The following PTGES2 variants were observed in gnomAD, a reference collection of about 807,000 sequenced individuals.
PTGES2 encodes the protein GATE-binding factor 1.
PTGES2 carries 35 observed loss-of-function variants against 44.5 expected under a neutral mutation model. The observed-to-expected ratio is 0.79, with a 90% confidence interval of 0.60 to 1.04. The LOEUF (loss-of-function observed/expected upper bound fraction) is 1.04, where lower values mean the gene tolerates loss of function less well. PTGES2 is among the 50% of genes least tolerant of loss of function. PTGES2 has a pLI of 0.00. For synonymous variants in PTGES2, 221 were observed against 227.5 expected (o/e 0.97, Z 0.26); for missense variants, 517 against 521.4 (o/e 0.99, Z 0.08).
In PTGES2 at chr9:128,123,095, C is replaced by A; in HGVS notation, c.726G>T (p.Leu242=). 1 of 1,611,868 alleles carries A rather than the reference C, an allele frequency of 6.2e-7. No homozygotes were observed. Among genetic ancestry groups the A allele is most frequent in the East Asian group, 2.2e-5 (1 of 44,880 alleles). Residue 242 remains leucine (L), a synonymous_variant, in exon 5 of 7, where the codon CTG becomes CTT. Coordinates refer to ENST00000338961, the MANE Select transcript of PTGES2 (RefSeq NM_025072.7). The surrounding 1 kb of genome is among the most constrained non-coding windows in gnomAD (Gnocchi z 4.4). ...MKWRQWADDW[L]VHLISPNVYR... is the part of the protein sequence containing the mutation. ...ACACATTGGGGGAGATCAGGTGCAC[C>A]AGCCAGTCGTCCGCCCACTGCCGCC...
chr9:128,125,871 G>A (rs955190670), intron 1 of PTGES2, among the ~76,000 whole-genome samples: 54 of 152,170 alleles, frequency 3.5e-4, no homozygotes, highest in African/African-American at 1.3e-3. Flanking sequence ...TACCACCCAG[G>A]CTCATGTTCA....
rs1834491826 is a variant in PTGES2 at position 128,123,200 on chromosome 9, T to TA, written c.687-67dup. On this transcript the variant is annotated intron_variant, in intron 4 of 6. Transcript: ENST00000338961. This position sits in a 1 kb window ranked among gnomAD's most constrained non-coding sequence, Gnocchi z 4.4. ...TGTGTTGGGAGCAGGCTGCATTCTCTAGAACATACCCACTGCACGGGCGGG... is the reference window on the plus strand; with the variant it reads ...TGTGTTGGGAGCAGGCTGCATTCTCTAAGAACATACCCACTGCACGGGCGGG... 3.4e-6 allele frequency: 5 copies of TA among 1,490,640 alleles called. No homozygotes were observed. The East Asian group carries it at 1.2e-4, about 35-fold the overall frequency. 92.3% of individuals were successfully genotyped at this position (1,490,640 alleles called of 1,614,324 possible). A position where few individuals can be genotyped will look rare whatever the true frequency, so the allele number is the denominator to read the frequency against.
At chr9:128,122,019 G>A (rs1834429850) in intron 6 of PTGES2, among the ~76,000 whole-genome samples, 1 of 152,164 alleles carries the variant, frequency 6.6e-6, no homozygotes, top group South Asian at 2.1e-4. Context: ...GAAGCCTGGA[G>A]CACCGGACCC....
chr9:128,128,189 GC>G (rs2130861960), upstream of PTGES2: 1 of 389,880 alleles, frequency 2.6e-6, no homozygotes, highest in East Asian at 7.4e-5. Context: ...GGTTCTCTCT[GC>G]CCTCCCGCCT....
rs1834505727 is a variant in PTGES2, at chr9:128,123,595, G to T, written c.686+107C>A. ...GGCATGGCCCGGCCCCAGCCCCGCTGGTCTCCCATGCTGCTCCCTGCTCAC... is the reference window on the plus strand; with the variant it reads ...GGCATGGCCCGGCCCCAGCCCCGCTTGTCTCCCATGCTGCTCCCTGCTCAC... On this transcript the variant is annotated intron_variant, in intron 4 of 6. Transcript: ENST00000338961. The surrounding 1 kb of genome is among the most constrained non-coding windows in gnomAD (Gnocchi z 4.4). The T allele has an allele frequency of 6.6e-6, 8 of 1,206,084 alleles. No homozygotes were observed. Among genetic ancestry groups the T allele is most frequent in the South Asian group, 1.5e-5 (1 of 68,804 alleles). 74.7% of individuals were successfully genotyped at this position (1,206,084 alleles called of 1,614,324 possible). A position where few individuals can be genotyped will look rare whatever the true frequency, so the allele number is the denominator to read the frequency against.
At position 128,121,155 on chromosome 9, in the gene PTGES2, G is replaced by A. The variant is rs1251549541; in HGVS notation, c.1124C>T (p.Pro375Leu). ...RVERAITEAS[P>L]AH ...TCTGCGCGGGGACATTCAGTGCGCT[G>A]GGGAGGCCTCGGTGATGGCCCTCTC... Residue 375 changes from proline (P) to leucine (L), a missense_variant, in exon 7 of 7, where the codon CCA becomes CTA. Pro to Leu is a moderately conservative substitution (Grantham distance 98, BLOSUM62 -3). Coordinates refer to ENST00000338961, the MANE Select transcript of PTGES2 (RefSeq NM_025072.7). The A allele has an allele frequency of 3.8e-6, 6 of 1,587,576 alleles. No individual in the cohort carries two copies. The highest frequency in any genetic ancestry group is 5.1e-6 in the Non-Finnish European group (6 of 1,167,244).
Position 128,127,494 on chromosome 9 carries a change from G to A in PTGES2, c.224C>T (p.Thr75Met). 1 of 1,397,260 alleles carries A rather than the reference G, an allele frequency of 7.2e-7. No individual in the cohort carries two copies. Among genetic ancestry groups the A allele is most frequent in the South Asian group, 1.6e-5 (1 of 61,818 alleles). 86.6% of individuals were successfully genotyped at this position (1,397,260 alleles called of 1,614,324 possible). Residue 75 changes from threonine to methionine, a missense_variant, in exon 1 of 7, where the codon ACG becomes ATG. Transcript: ENST00000338961. ...CTGGGCGCGCAGGTGCCACCGCGCC[G>A]TGTGGTACAGCCCCAGGGCTCCCCC... ...ALGGALGLYH[T>M]ARWHLRAQDL...
Position 128,125,322 on chromosome 9 carries a change from G to A in PTGES2, c.399C>T (p.Asn133=). ...ACTTGATCTCAGCCCTGCGCACAGG[G>A]TTCACCTCCACCACCTGGTAGGGCA... ...HALPYQVVEV[N]PVRRAEIKFS... Residue 133 remains asparagine (N), a synonymous_variant, in exon 2 of 7, where the codon AAC becomes AAT. Coordinates refer to ENST00000338961, the MANE Select transcript of PTGES2 (RefSeq NM_025072.7). 1 of 1,614,108 alleles carries A rather than the reference G, an allele frequency of 6.2e-7. No homozygotes were observed. The highest frequency in any genetic ancestry group is 8.5e-7 in the Non-Finnish European group (1 of 1,179,982).
chr9:128,124,187 G>A (rs923349148), intron 3 of PTGES2: 8 of 350,152 alleles, frequency 2.3e-5, no homozygotes, highest in African/African-American at 8.3e-5. Context: ...GGGTTCAAGC[G>A]ATTCTCCTGC....
chr9:128,122,871 C>T lies in PTGES2; in HGVS notation c.887+63G>A, dbSNP rs113849591. 2.1e-5 allele frequency: 32 copies of T among 1,558,018 alleles called. 2 individuals are homozygous for T. The African/African-American group carries it at 2.2e-4, about 11-fold the overall frequency. On this transcript the variant is annotated intron_variant, in intron 5 of 6. Transcript: ENST00000338961. ...GGTCTCCTGAGGGGTGTGATGGGAT[C>T]ACCACTGCTCGTGGCACCGGAGGCT...
rs544271820 is a variant in PTGES2 at position 128,122,732 on chromosome 9, C to A, written c.887+202G>T. 6.4e-5 allele frequency: 42 copies of A among 652,760 alleles called. 1 individual carries two copies. In the South Asian group the frequency reaches 7.9e-4, roughly 12 times the overall value. 40.4% of individuals were successfully genotyped at this position (652,760 alleles called of 1,614,324 possible). ...CCCAGGCTTCCGGCTTCAAGGCCAG[C>A]CCTGCTGTCCCCAGGGGAGGTGAGC... On this transcript the variant is annotated intron_variant, in intron 5 of 6. Transcript: ENST00000338961.
intron 2 of PTGES2, chr9:128,124,770 C>G: frequency 7.5e-7 from 1 of 1,328,278 alleles, no homozygotes; most frequent in Non-Finnish European, 9.7e-7. Context: ...TAAGCCCCAG[C>G]CCACTCACCC....
In PTGES2 at chr9:128,121,244, C is replaced by T; in HGVS notation, c.1035G>A (p.Glu345=). The T allele has an allele frequency of 6.2e-7, 1 of 1,608,778 alleles. No homozygotes were observed. The highest frequency in any genetic ancestry group is 1.3e-5 in the African/African-American group (1 of 74,976). Residue 345 remains glutamate, a synonymous_variant, in exon 7 of 7, where the codon GAG becomes GAA. Coordinates refer to ENST00000338961, the MANE Select transcript of PTGES2 (RefSeq NM_025072.7). ...TCAGGTCATCGAACGCATCCAGCCC[C>T]TCCATCACACGCAGCACGCCATACA... ...LAVYGVLRVM[E]GLDAFDDLMQ...
rs1365034497 is a variant in PTGES2, at chr9:128,123,389, GGT to G, written c.687-257_687-256del. Among the ~76,000 whole-genome samples the G allele has an allele frequency of 2.0e-5, 3 of 152,090 alleles. No homozygotes were observed. The highest frequency in any genetic ancestry group is 4.8e-5 in the African/African-American group (2 of 41,380). On this transcript the variant is annotated intron_variant, in intron 4 of 6. Coordinates refer to ENST00000338961, the MANE Select transcript of PTGES2 (RefSeq NM_025072.7). The surrounding 1 kb of genome is among the most constrained non-coding windows in gnomAD (Gnocchi z 4.4). ...AGCCTCCTTAGTAGCTGGGATTATA[GGT>G]GTGTGCCTCCACACCTAGCTAATTT...
At chr9:128,124,085 A>AT (rs59897123) in intron 3 of PTGES2, among the ~76,000 whole-genome samples, 716 of 139,958 alleles carry the variant, frequency 5.1e-3, no homozygotes, top group Non-Finnish European at 6.5e-3. Flanking sequence ...CTGGAAAATC[A>AT]TTTTTTTTTT....
chr9:128,122,887 AC>A (rs1254999648), intron 5 of PTGES2, 46 bp downstream of exon 5: 1 of 1,597,646 alleles, frequency 6.3e-7, no homozygotes, highest in South Asian at 1.1e-5. Context: ...TGCTCGTGGC[AC>A]CGGAGGCTCG....
At chr9:128,122,232 T>A (rs1463919399) in intron 6 of PTGES2, 130 bp downstream of exon 6, 4 of 736,074 alleles carry the variant, frequency 5.4e-6, no homozygotes, top group Non-Finnish European at 9.4e-6. Flanking sequence ...CGAGTTTCTG[T>A]CCGTGATGGC....
At chr9:128,127,771 G>A, upstream of PTGES2, 1 of 1,238,108 alleles carries the variant, frequency 8.1e-7, no homozygotes, top group Non-Finnish European at 1.0e-6. Context: ...GCCGAGGCAC[G>A]CGCGGCGTTT....
In PTGES2 at chr9:128,122,523, C is replaced by T. The variant is rs774856620; in HGVS notation, c.888-44G>A. ...AGCCCCTCAGGGGAGCCCCCACTCC[C>T]AGCCCAGCAGGGAAGAGGGTCTCCT... On this transcript the variant is annotated intron_variant, in intron 5 of 6. Coordinates refer to ENST00000338961, the MANE Select transcript of PTGES2 (RefSeq NM_025072.7). 1.9e-6 allele frequency: 3 copies of T among 1,544,408 alleles called. No individual in the cohort carries two copies. The Admixed American group carries it at 5.0e-5, about 26-fold the overall frequency.
Sources: gnomAD v4.1 joint callset for allele counts (sites outside exome capture counted in the v4.1 genomes callset) on GRCh38, gnomAD v4.1.1 for gene constraint, Gnocchi (gnomAD v3.1) non-coding constraint, MANE v1.5 for transcripts, NCBI Gene and HGNC (gene_info 2026-07-23, HGNC 2026-07-21) for gene names.